PCCA: variants seen among roughly 807,000 people sequenced by gnomAD.
The protein encoded by PCCA is propionyl-CoA carboxylase alpha chain, mitochondrial.
In PCCA, 74 loss-of-function variants were observed where a neutral mutation model predicts 101.3. That is an observed-to-expected ratio of 0.73 (90% CI 0.61 to 0.89). PCCA has a LOEUF of 0.89. Ranked by LOEUF, PCCA falls within the 40% of genes least tolerant of loss-of-function variation. The pLI, the probability that PCCA is intolerant of heterozygous loss-of-function variation, is 0.00. For synonymous variants in PCCA, 294 were observed against 313.6 expected (o/e 0.94, Z 0.66); for missense variants, 891 against 907.0 (o/e 0.98, Z 0.23).
Position 100,394,160 on chromosome 13 carries a change from G to A in PCCA, c.1746+25586G>A, listed in dbSNP as rs1390044204. 6.6e-6 allele frequency among the ~76,000 whole-genome samples: 1 copy of A among 152,178 alleles called. No homozygotes were observed. ...GGTTTGAGATGCAGCTTCTCAGATGGATTTAATTAGTCCTTCGTAGAACTG... is the reference window on the plus strand; with the variant it reads ...GGTTTGAGATGCAGCTTCTCAGATGAATTTAATTAGTCCTTCGTAGAACTG... On this transcript the variant is annotated intron_variant, in intron 19 of 23. Transcript: ENST00000376285. This position sits in a 1 kb window ranked among gnomAD's most constrained non-coding sequence, Gnocchi z 4.3.
chr13:100,199,953 A>G (rs965154167), intron 6 of PCCA, among the ~76,000 whole-genome samples: 1 of 152,126 alleles, frequency 6.6e-6, no homozygotes, highest in African/African-American at 2.4e-5. Flanking sequence ...TGTGAAGTCA[A>G]GTTGTTCCTC....
chr13:100,177,705 A>C (rs1210771746), intron 6 of PCCA, among the ~76,000 whole-genome samples: 1 of 152,176 alleles, frequency 6.6e-6, no homozygotes, highest in Admixed American at 6.5e-5. Context: ...TGTAAAACAT[A>C]AGGACGAAAA....
At chr13:100,177,936 G>A (rs1227163662) in intron 6 of PCCA, among the ~76,000 whole-genome samples, 1 of 151,978 alleles carries the variant, frequency 6.6e-6, no homozygotes, top group African/African-American at 2.4e-5. Context: ...TAATATGAAA[G>A]TGAAGTTTCT....
At chr13:100,527,784 G>C in intron 23 of PCCA, 32 bp downstream of exon 23, 1 of 1,521,466 alleles carries the variant, frequency 6.6e-7, no homozygotes, top group Non-Finnish European at 9.1e-7. Flanking sequence ...AGCCCAGGCC[G>C]GCCCTGTGAT....
At chr13:100,348,481 CAG>C (rs1360970738) in intron 18 of PCCA, among the ~76,000 whole-genome samples, 1 of 152,012 alleles carries the variant, frequency 6.6e-6, no homozygotes, top group Non-Finnish European at 1.5e-5. Context: ...CTTATATTGA[CAG>C]AAATGAATCA....
intron 21 of PCCA, among the ~76,000 whole-genome samples, chr13:100,502,438 C>G (rs1300327552): frequency 6.6e-6 from 1 of 152,128 alleles, no homozygotes; most frequent in African/African-American, 2.4e-5. Flanking sequence ...CTCAGTATTC[C>G]TGGTTTCTGG....
At chr13:100,356,889 T>C (rs1368093139) in intron 18 of PCCA, among the ~76,000 whole-genome samples, 1 of 152,118 alleles carries the variant, frequency 6.6e-6, no homozygotes, top group Non-Finnish European at 1.5e-5. Flanking sequence ...TTTTCAGCAA[T>C]AAAAATAAAT....
intron 4 of PCCA, among the ~76,000 whole-genome samples, chr13:100,134,271 T>C (rs2050877095): frequency 6.6e-6 from 1 of 152,210 alleles, no homozygotes; most frequent in African/African-American, 2.4e-5. Context: ...TTCATCTGTG[T>C]CTATTCCCTT....
At chr13:100,294,043 C>T (rs1439503096) in intron 12 of PCCA, among the ~76,000 whole-genome samples, 1 of 152,130 alleles carries the variant, frequency 6.6e-6, no homozygotes, top group Non-Finnish European at 1.5e-5. Context: ...TGTGTTTTCT[C>T]AAAGTTCTGG....
At chr13:100,137,804 C>CTTT (rs34819598) in intron 4 of PCCA, among the ~76,000 whole-genome samples, 24 of 144,368 alleles carry the variant, frequency 1.7e-4, no homozygotes, top group Non-Finnish European at 2.9e-4. Flanking sequence ...ATGTTTAAGT[C>CTTT]TTTTTTTTTT....
intron 19 of PCCA, among the ~76,000 whole-genome samples, chr13:100,369,948 T>C (rs907329593): frequency 6.6e-6 from 1 of 152,152 alleles, no homozygotes; most frequent in African/African-American, 2.4e-5. Context: ...TAGCATAATT[T>C]TCAGTTCTAT....
At chr13:100,258,059 CTT>C (rs1047433289) in intron 9 of PCCA, among the ~76,000 whole-genome samples, 2 of 152,138 alleles carry the variant, frequency 1.3e-5, no homozygotes, top group Admixed American at 6.5e-5. Context: ...TTCATTGAGA[CTT>C]AATGTATTAC....
rs370038746 is a variant in PCCA, at chr13:100,175,861, A to T, written c.468+18521A>T. Among the ~76,000 whole-genome samples the T allele has an allele frequency of 3.3e-5, 5 of 152,236 alleles. No homozygotes were observed. The East Asian group carries it at 9.6e-4, about 29-fold the overall frequency. ...TCTCCCCTTAAATCCTCTTTTTGTG[A>T]CTGCTTTTCCATTTCATCTTCTCCA... On this transcript the variant is annotated intron_variant, in intron 6 of 23. Transcript: ENST00000376285.
chr13:100,467,159 C>A (rs918810462), intron 21 of PCCA, among the ~76,000 whole-genome samples: 1 of 152,098 alleles, frequency 6.6e-6, no homozygotes. Context: ...TAGGACCAAA[C>A]CCAGATCTAG....
intron 18 of PCCA, among the ~76,000 whole-genome samples, chr13:100,342,557 C>T (rs561349951): frequency 1.2e-4 from 18 of 151,630 alleles, no homozygotes; most frequent in Middle Eastern, 6.9e-3. Flanking sequence ...CATGAGCCAC[C>T]GCGCCCAGCC....
intron 20 of PCCA, among the ~76,000 whole-genome samples, chr13:100,428,533 C>A (rs911744129): frequency 6.6e-6 from 1 of 152,040 alleles, no homozygotes; most frequent in African/African-American, 2.4e-5. Context: ...TGCTTTCCCC[C>A]ACTATGCTAT....
At chr13:100,265,964 T>C (rs1475711570) in intron 10 of PCCA, among the ~76,000 whole-genome samples, 1 of 152,194 alleles carries the variant, frequency 6.6e-6, no homozygotes, top group African/African-American at 2.4e-5. Flanking sequence ...GGTTATAAAG[T>C]TGGATAAATC....
intron 7 of PCCA, among the ~76,000 whole-genome samples, chr13:100,229,440 G>T (rs985504867): frequency 6.6e-6 from 1 of 152,178 alleles, no homozygotes; most frequent in South Asian, 2.1e-4. Context: ...CTGTAATAAA[G>T]AAATCAATGT....
At chr13:100,328,747 G>T (rs1031363836) in intron 16 of PCCA, among the ~76,000 whole-genome samples, 1 of 141,380 alleles carries the variant, frequency 7.1e-6, no homozygotes, top group Non-Finnish European at 1.5e-5. Context: ...AGGTGGGAGT[G>T]CAGTGGTGTG....
Sources: gnomAD v4.1 joint callset for allele counts (sites outside exome capture counted in the v4.1 genomes callset) on GRCh38, gnomAD v4.1.1 for gene constraint, Gnocchi (gnomAD v3.1) non-coding constraint, MANE v1.5 for transcripts, NCBI Gene and HGNC (gene_info 2026-07-23, HGNC 2026-07-21) for gene names.